PPIL1: variants seen among roughly 807,000 people sequenced by gnomAD.
The protein encoded by PPIL1 is peptidyl-prolyl cis-trans isomerase-like 1.
In PPIL1, 14 loss-of-function variants were observed where a neutral mutation model predicts 19.4. That is an observed-to-expected ratio of 0.72 (90% CI 0.48 to 1.13). PPIL1 has a LOEUF of 1.13. Among genes scored for constraint, PPIL1 ranks in the 50% most tolerant of loss-of-function variants. The probability of loss-of-function intolerance (pLI) is 0.00; values close to 1 mark genes in which losing one functional copy is unlikely to be tolerated. For missense variants in PPIL1, 192 were observed against 218.0 expected (o/e 0.88, Z 0.75); for synonymous variants, 72 against 73.6 (o/e 0.98, Z 0.11).
chr6:36,871,729 G>A lies in PPIL1; in HGVS notation c.200C>T (p.Pro67Leu). ...IKDFMIQGGD[P>L]TGTGRGGASI... ...TGGCTTAACTGTACCTGTCCCTGTT[G>A]GGTCACCTCCTTGGATCATGAAGTC... The change falls in exon 2 of 4, where the codon CCA becomes CTA. Residue 67 changes from proline to leucine, a missense_variant. Pro to Leu is a moderately conservative substitution (Grantham distance 98). Coordinates refer to ENST00000373699, the MANE Select transcript of PPIL1 (RefSeq NM_016059.5). 2 of 1,605,298 alleles carry A rather than the reference G, an allele frequency of 1.2e-6. No individual in the cohort carries two copies. Among genetic ancestry groups the A allele is most frequent in the Non-Finnish European group, 1.7e-6 (2 of 1,176,672 alleles).
intron 2 of PPIL1, among the ~76,000 whole-genome samples, chr6:36,866,080 AGAACTT>A (rs927718886): frequency 7.9e-5 from 12 of 152,246 alleles, no homozygotes; most frequent in Non-Finnish European, 1.3e-4. Flanking sequence ...AGCTAAAGGA[AGAACTT>A]GACAGGATGT....
rs886163956 is a variant in PPIL1 at position 36,859,867 on chromosome 6, T to A, written c.212-3213A>T. Among the ~76,000 whole-genome samples, 11 of 139,232 alleles carry A rather than the reference T, an allele frequency of 7.9e-5. No individual in the cohort carries two copies. In the East Asian group the frequency reaches 2.3e-3, roughly 29 times the overall value. 91.3% of individuals were successfully genotyped at this position (139,232 alleles called of 152,430 possible). On this transcript the variant is annotated intron_variant, in intron 2 of 3. Transcript: ENST00000373699. ...TGTTTTGAGACAGAATCTCACTCTATCACCAGGCTGGAGTGCAGTGGTGCG... is the reference window on the plus strand; with the variant it reads ...TGTTTTGAGACAGAATCTCACTCTAACACCAGGCTGGAGTGCAGTGGTGCG...
chr6:36,859,179 C>G (rs1774227099), intron 2 of PPIL1, among the ~76,000 whole-genome samples: 1 of 152,130 alleles, frequency 6.6e-6, no homozygotes. Context: ...GTAATTCCAG[C>G]ACTTTGGGAG....
At chr6:36,856,459 T>A in intron 3 of PPIL1, 127 bp downstream of exon 3, 2 of 834,460 alleles carry the variant, frequency 2.4e-6, no homozygotes, top group South Asian at 3.2e-5. Context: ...GGGCACTTCA[T>A]GGCGCCATGG....
intron 2 of PPIL1, among the ~76,000 whole-genome samples, chr6:36,858,306 G>A (rs1458905466): frequency 6.6e-6 from 1 of 151,000 alleles, no homozygotes; most frequent in Non-Finnish European, 1.5e-5. Context: ...CAAAACAGGA[G>A]GCAACTTTCC....
chr6:36,869,726 T>A (rs1209181365), intron 2 of PPIL1, among the ~76,000 whole-genome samples: 1 of 152,082 alleles, frequency 6.6e-6, no homozygotes, highest in Non-Finnish European at 1.5e-5. Context: ...CAGATAATAA[T>A]AAAACTAACA....
At chr6:36,865,886 T>C (rs1774384980) in intron 2 of PPIL1, among the ~76,000 whole-genome samples, 1 of 152,240 alleles carries the variant, frequency 6.6e-6, no homozygotes, top group South Asian at 2.1e-4. Context: ...AGCAGACTCT[T>C]GGCAAATACT....
chr6:36,872,661 G>T (rs1335239670), intron 1 of PPIL1, among the ~76,000 whole-genome samples: 1 of 151,928 alleles, frequency 6.6e-6, no homozygotes, highest in Non-Finnish European at 1.5e-5. Context: ...AGGTTACAGT[G>T]CAGTGGCACA....
intron 2 of PPIL1, among the ~76,000 whole-genome samples, chr6:36,864,142 T>G (rs1774349163): frequency 6.6e-6 from 1 of 151,854 alleles, no homozygotes; most frequent in Non-Finnish European, 1.5e-5. Flanking sequence ...CTGGTCTCCT[T>G]GCTTCCAGCC....
At chr6:36,860,763 TAA>T (rs10585822) in intron 2 of PPIL1, among the ~76,000 whole-genome samples, 15,915 of 122,106 alleles carry the variant, frequency 0.13, 1,018 homozygotes, top group African/African-American at 0.2. Flanking sequence ...TATGTATCCC[TAA>T]AAAAAAAAAA....
intron 2 of PPIL1, among the ~76,000 whole-genome samples, chr6:36,865,062 A>T (rs929405170): frequency 9.9e-5 from 15 of 152,078 alleles, no homozygotes; most frequent in African/African-American, 3.6e-4. Context: ...ACATCAGCTC[A>T]TTTACTACTC....
At position 36,855,769 on chromosome 6, in the gene PPIL1, T is replaced by C; in HGVS notation, c.*44A>G. On this transcript the variant is annotated 3_prime_UTR_variant, in exon 4 of 4. Coordinates refer to ENST00000373699, the MANE Select transcript of PPIL1 (RefSeq NM_016059.5). ...CATTCTATGTCATCTAGAAGCTGGT[T>C]CACTGGGGCCATCTCAGAAGAGCTG... 1 of 1,585,828 alleles carries C rather than the reference T, an allele frequency of 6.3e-7. No individual in the cohort carries two copies. The highest frequency in any genetic ancestry group is 8.7e-7 in the Non-Finnish European group (1 of 1,154,496).
At chr6:36,859,709 C>T (rs1774240708) in intron 2 of PPIL1, among the ~76,000 whole-genome samples, 1 of 152,094 alleles carries the variant, frequency 6.6e-6, no homozygotes. Flanking sequence ...GCATGCTACT[C>T]AGATGTCAAT....
intron 1 of PPIL1, among the ~76,000 whole-genome samples, chr6:36,872,416 G>A (rs1265647266): frequency 6.6e-6 from 1 of 152,012 alleles, no homozygotes; most frequent in African/African-American, 2.4e-5. Flanking sequence ...TCAATAAAAG[G>A]TACAGTTTGT....
intron 2 of PPIL1, among the ~76,000 whole-genome samples, chr6:36,861,577 AAATACCT>A (rs558555672): frequency 1.3e-3 from 200 of 152,282 alleles, no homozygotes; most frequent in African/African-American, 4.6e-3. Context: ...AATGTTTTGC[AAATACCT>A]TCTCCCAGTT....
chr6:36,869,667 A>G (rs1296316077), intron 2 of PPIL1, among the ~76,000 whole-genome samples: 2 of 152,218 alleles, frequency 1.3e-5, no homozygotes, highest in Non-Finnish European at 2.9e-5. Context: ...CACTAAATAC[A>G]CTGAAACGTA....
chr6:36,859,193 G>A (rs774850419), intron 2 of PPIL1, among the ~76,000 whole-genome samples: 10 of 152,142 alleles, frequency 6.6e-5, no homozygotes, highest in Non-Finnish European at 1.0e-4. Context: ...TTGGGAGGCC[G>A]AGGCAGGCAG....
chr6:36,861,024 C>G (rs66474948), intron 2 of PPIL1, among the ~76,000 whole-genome samples: 15,338 of 151,812 alleles, frequency 0.1, 845 homozygotes, highest in South Asian at 0.12. Context: ...AGGATCTTTC[C>G]AATGTTTTGG....
intron 2 of PPIL1, among the ~76,000 whole-genome samples, chr6:36,864,319 T>C (rs568564586): frequency 1.2e-4 from 19 of 152,140 alleles, no homozygotes; most frequent in East Asian, 7.8e-4. Flanking sequence ...CCCCCCACGA[T>C]TGGGCACTCT....
Sources: allele counts gnomAD v4.1 joint callset (sites outside exome capture counted in the v4.1 genomes callset), GRCh38; gene constraint gnomAD v4.1.1; transcripts MANE v1.5; gene names NCBI Gene and HGNC (gene_info 2026-07-23, HGNC 2026-07-21).